MUC5AC: variants seen among roughly 807,000 people sequenced by gnomAD.
MUC5AC encodes the protein mucin-5AC.
MUC5AC carries 158 observed loss-of-function variants against 169.7 expected under a neutral mutation model. The observed-to-expected ratio is 0.93, with a 90% CI of 0.82 to 1.06. The LOEUF (loss-of-function observed/expected upper bound fraction) is 1.06. Ranked by LOEUF, MUC5AC falls within the 50% of genes least tolerant of loss-of-function variation. MUC5AC has a pLI of 0.00. For synonymous variants in MUC5AC, 1,975 were observed against 1,237.0 expected, an observed-to-expected ratio of 1.60 and a Z score of -12.52; for missense variants, 4,359 against 3,089.9, an observed-to-expected ratio of 1.41 and a Z score of -9.74.
rs772502678 is a variant in MUC5AC at position 1,165,347 on chromosome 11, CAA to C, written c.1177_1178del (p.Lys393ValfsTer53). The C allele has an allele frequency of 1.9e-6, 3 of 1,612,440 alleles. No individual in the cohort carries two copies. Among genetic ancestry groups the C allele is most frequent in the South Asian group, 1.1e-5 (1 of 91,068 alleles). Reference sequence around the variant, plus strand: ...GGCCAGACCGGCTGTGTCCCTGTGTCAAAGTGTGCCTGCGTCTACAACGGGGC... The same window carrying C: ...GGCCAGACCGGCTGTGTCCCTGTGTCAGTGTGCCTGCGTCTACAACGGGGC... On this transcript the variant is annotated frameshift_variant, in exon 10 of 49. Coordinates refer to ENST00000621226, the MANE Select transcript of MUC5AC (RefSeq NM_001304359.2). LOFTEE classifies it high-confidence loss of function.
chr11:1,181,987 T>C, intron 30 of MUC5AC, among the ~76,000 whole-genome samples, 168 bp from the exon 31 acceptor site: 1 of 152,276 alleles, frequency 6.6e-6, no homozygotes, highest in East Asian at 1.9e-4. Flanking sequence ...TTCGCCTGGC[T>C]CTTCAGAACC....
intron 9 of MUC5AC, 77 bp from the exon 10 acceptor site, chr11:1,165,225 C>T: frequency 2.9e-6 from 4 of 1,372,090 alleles, no homozygotes; most frequent in Non-Finnish European, 4.0e-6. Flanking sequence ...CGCTGTGGGG[C>T]CGCCATGTTG....
chr11:1,200,095 G>A (rs986640928), intron 48 of MUC5AC, 126 bp downstream of exon 48: 3 of 612,856 alleles, frequency 4.9e-6, no homozygotes, highest in Admixed American at 5.8e-5. Context: ...GGCTCTGAGG[G>A]TGAGGCGGGA....
intron 15 of MUC5AC, among the ~76,000 whole-genome samples, chr11:1,169,905 T>C (rs1327870361): frequency 1.0e-4 from 5 of 49,244 alleles, no homozygotes; most frequent in Non-Finnish European, 1.6e-4. Flanking sequence ...GACTCAACCA[T>C]TCACTCACCC....
intron 1 of MUC5AC, among the ~76,000 whole-genome samples, chr11:1,158,437 T>C (rs56287011): frequency 1 from 151,788 of 152,350 alleles, 75,613 homozygotes; most frequent in East Asian, 1. Flanking sequence ...GTCGGGGCAT[T>C]AGCCCCAGGC....
At chr11:1,167,086 A>C (rs1285592666) in intron 11 of MUC5AC, among the ~76,000 whole-genome samples, 1 of 83,410 alleles carries the variant, frequency 1.2e-5, no homozygotes, top group Non-Finnish European at 2.5e-5. Context: ...AGTCTCCCCA[A>C]GATGAGACCC....
At chr11:1,181,593 G>A in intron 30 of MUC5AC, 134 bp downstream of exon 30, 1 of 397,688 alleles carries the variant, frequency 2.5e-6, no homozygotes, top group Non-Finnish European at 4.4e-6. Context: ...AAGGGATCGA[G>A]GAGCAGGGAG....
chr11:1,163,139 C>A (rs577667558), intron 6 of MUC5AC, 94 bp downstream of exon 6: 3 of 1,161,826 alleles, frequency 2.6e-6, no homozygotes, highest in Middle Eastern at 2.3e-4. Context: ...CGGGCACACA[C>A]ATGCACAGAT....
chr11:1,169,153 G>A lies in MUC5AC; in HGVS notation c.1870+127G>A, dbSNP rs557696189. 626 of 1,413,320 alleles carry A rather than the reference G, an allele frequency of 4.4e-4. 3 individuals carry two copies. The African/African-American group carries it at 8.4e-3, about 19-fold the overall frequency. The allele number at this position is 1,413,320 out of a possible 1,614,324, so 87.5% of individuals were successfully genotyped here. A position where few individuals can be genotyped will look rare whatever the true frequency, so the allele number is the denominator to read the frequency against. On this transcript the variant is annotated intron_variant, in intron 15 of 48. Coordinates refer to ENST00000621226, the MANE Select transcript of MUC5AC (RefSeq NM_001304359.2). Reference sequence around the variant, plus strand: ...TGAGCCGGGTGGGGTGGCTCACGAAGGGGCCCAAGGACAGGCTCATGGTGG... The same window carrying A: ...TGAGCCGGGTGGGGTGGCTCACGAAAGGGCCCAAGGACAGGCTCATGGTGG...
chr11:1,196,825 G>T, intron 39 of MUC5AC, 52 bp from the exon 40 acceptor site: 1 of 753,176 alleles, frequency 1.3e-6, no homozygotes, highest in Non-Finnish European at 2.4e-6. Context: ...CCTGCCTCTC[G>T]CCCCTATTGT....
chr11:1,162,715 C>T (rs1350677537), intron 5 of MUC5AC, 69 bp downstream of exon 5: 4 of 1,453,956 alleles, frequency 2.8e-6, no homozygotes, highest in Non-Finnish European at 3.9e-6. Context: ...CCCACAGCCT[C>T]TCCGGAGAGG....
chr11:1,179,661 T>TAGAACGTTC (rs1389586498), intron 26 of MUC5AC, among the ~76,000 whole-genome samples: 1 of 92,426 alleles, frequency 1.1e-5, no homozygotes, highest in African/African-American at 4.0e-5. Context: ...CCTGGCATGG[T>TAGAACGTTC]TGGGCAGAGG....
chr11:1,166,122 C>T (rs1175615360), intron 11 of MUC5AC, among the ~76,000 whole-genome samples: 1 of 151,754 alleles, frequency 6.6e-6, no homozygotes, highest in Non-Finnish European at 1.5e-5. Context: ...TGAGACCCTG[C>T]ACCAAACACA....
chr11:1,192,580 A>T (rs1861151629), intron 31 of MUC5AC, 55 bp downstream of exon 31: 3 of 743,394 alleles, frequency 4.0e-6, no homozygotes, highest in Non-Finnish European at 7.4e-6. Context: ...TCAGTTTTTT[A>T]TCCAGGAACG....
chr11:1,188,502 AG>A lies in MUC5AC; in HGVS notation c.10358del (p.Ser3453ThrfsTer125). On this transcript the variant is annotated frameshift_variant, in exon 31 of 49. Transcript: ENST00000621226. LOFTEE classifies it high-confidence loss of function. ...CAGCACAACCTCTGCTACTACAACC[AG>A]CACAACCTCTGCCCCTACAAGCAGC... is the stretch of plus-strand genomic sequence containing the variant. ...TTSTTSATTT[S>X]TTSAPTSSTT... 2 of 715,604 alleles carry A rather than the reference AG, an allele frequency of 2.8e-6. No homozygotes were observed. Among genetic ancestry groups the A allele is most frequent in the Non-Finnish European group, 5.1e-6 (2 of 391,546 alleles). The allele number at this position is 715,604 out of a possible 1,614,324, so 44.3% of individuals were successfully genotyped here. A position where few individuals can be genotyped will look rare whatever the true frequency, so the allele number is the denominator to read the frequency against.
At chr11:1,196,238 G>A (rs951876622) in intron 37 of MUC5AC, 150 bp from the exon 38 acceptor site, 19 of 646,068 alleles carry the variant, frequency 2.9e-5, no homozygotes, top group Non-Finnish European at 5.0e-5. Context: ...GGAGCCCGTG[G>A]CGGGGCACTG....
In MUC5AC at chr11:1,198,317, G is replaced by A. The variant is rs369693024; in HGVS notation, c.16173+12G>A. ...GGACCCTGTACCAGGTAAGAGCCACGGAGCTCAGACCCCCTCAGCCATAGG... is the reference window on the plus strand; with the variant it reads ...GGACCCTGTACCAGGTAAGAGCCACAGAGCTCAGACCCCCTCAGCCATAGG... On this transcript the variant is annotated intron_variant, in intron 43 of 48. Transcript: ENST00000621226. The A allele has an allele frequency of 2.7e-4, 205 of 746,092 alleles. No homozygotes were observed. Among genetic ancestry groups the A allele is most frequent in the Non-Finnish European group, 4.0e-4 (164 of 408,962 alleles). 46.2% of individuals were successfully genotyped at this position (746,092 alleles called of 1,614,324 possible).
At chr11:1,160,505 G>T in intron 1 of MUC5AC, 107 bp from the exon 2 acceptor site, 1 of 906,414 alleles carries the variant, frequency 1.1e-6, no homozygotes, top group Admixed American at 2.0e-5. Context: ...CCACCCCCAC[G>T]CACTGTGGCC....
At position 1,161,486 on chromosome 11, in the gene MUC5AC, G is replaced by A. The variant is rs771846492; in HGVS notation, c.152-41G>A. 10 of 1,517,816 alleles carry A rather than the reference G, an allele frequency of 6.6e-6. 1 individual carries two copies. The highest frequency in any genetic ancestry group is 3.5e-4 in the Middle Eastern group (2 of 5,728). 94.0% of individuals were successfully genotyped at this position (1,517,816 alleles called of 1,614,324 possible). A position where few individuals can be genotyped will look rare whatever the true frequency, so the allele number is the denominator to read the frequency against. ...TCTGGCTGCGGAGCCCCCGCCCCAC[G>A]TGGGGCCGTGCGTGAATCCTACCAG... On this transcript the variant is annotated intron_variant, in intron 2 of 48. Transcript: ENST00000621226.
Sources: allele counts gnomAD v4.1 joint callset (sites outside exome capture counted in the v4.1 genomes callset), GRCh38; gene constraint gnomAD v4.1.1; transcripts MANE v1.5; gene names NCBI Gene and HGNC (gene_info 2026-07-23, HGNC 2026-07-21).